The following C10orf71 variants were observed in gnomAD, a reference collection of about 807,000 sequenced individuals.
The protein encoded by C10orf71 is cardiac-enriched FHL2-interacting protein.
For missense variants in C10orf71, 1,869 were observed against 1,804.5 expected (o/e 1.04, Z -0.65); for synonymous variants, 758 against 726.3 (o/e 1.04, Z -0.70).
In C10orf71 at chr10:49,325,699, G is replaced by A; in HGVS notation, c.3154G>A (p.Glu1052Lys). The A allele has an allele frequency of 1.3e-6, 2 of 1,551,838 alleles. No homozygotes were observed. The highest frequency in any genetic ancestry group is 1.2e-5 in the South Asian group (1 of 84,058). Residue 1052 changes from glutamate (E) to lysine (K), a missense_variant, in exon 3 of 3, where the codon GAG becomes AAG. Physicochemically the swap from Glu to Lys is moderately conservative, Grantham distance 56. Coordinates refer to ENST00000374144, the MANE Select transcript of C10orf71 (RefSeq NM_001135196.2). ...CCCTGGCAGAAGACTGGTCCCCAGT[G>A]AGAGGGCGAATTCCCCCAACCCCGG... The part of the protein sequence containing the change: ...GPPGRRLVPS[E>K]RANSPNPGSP...
Position 49,323,323 on chromosome 10 carries a change from G to A in C10orf71, c.778G>A (p.Gly260Ser), listed in dbSNP as rs763367656. The A allele has an allele frequency of 1.2e-6, 2 of 1,613,758 alleles. No homozygotes were observed. Among genetic ancestry groups the A allele is most frequent in the Admixed American group, 1.7e-5 (1 of 59,980 alleles). Residue 260 changes from glycine (G) to serine (S), a missense_variant, in exon 3 of 3, where the codon GGT (glycine) becomes AGT (serine). Transcript: ENST00000374144. ...FPSPHHKPVT[G>S]EPGRGKGTFL... ...CTCTCCACACCACAAGCCAGTCACG[G>A]GTGAGCCTGGGAGAGGCAAAGGTAC...
chr10:49,323,119 T>C lies in C10orf71; in HGVS notation c.574T>C (p.Phe192Leu), dbSNP rs771938318. The change falls in exon 3 of 3, where the codon TTT becomes CTT. Residue 192 changes from phenylalanine to leucine, a missense_variant. Coordinates refer to ENST00000374144, the MANE Select transcript of C10orf71 (RefSeq NM_001135196.2). Reference protein sequence around the residue: ...NSVNFCFDSAFLTVRRVPAEV... With the variant: ...NSVNFCFDSALLTVRRVPAEV... The stretch of plus-strand genomic sequence containing the variant: ...TGTCAACTTCTGCTTCGATTCTGCC[T>C]TTCTGACAGTCAGGAGGGTGCCCGC... 1.2e-6 allele frequency: 2 copies of C among 1,614,016 alleles called. No individual in the cohort carries two copies. Among genetic ancestry groups the C allele is most frequent in the Admixed American group, 1.7e-5 (1 of 60,030 alleles).
chr10:49,323,474 C>T lies in C10orf71; in HGVS notation c.929C>T (p.Thr310Ile), dbSNP rs1346500665. The T allele has an allele frequency of 1.4e-5, 23 of 1,613,822 alleles. No individual in the cohort carries two copies. Among genetic ancestry groups the T allele is most frequent in the Non-Finnish European group, 1.8e-5 (21 of 1,179,828 alleles). ...GCTCCCAAGCACTATGGGGACACGA[C>T]CTTGCTAAGAGAACCCTGTCCTCCT... The part of the protein sequence containing the change: ...SKAPKHYGDT[T>I]LLREPCPPER... Residue 310 changes from threonine (T) to isoleucine (I), a missense_variant, in exon 3 of 3, where the codon ACC becomes ATC. Physicochemically the swap from Thr to Ile is moderately conservative, Grantham distance 89. Transcript: ENST00000374144.
Position 49,325,827 on chromosome 10 carries a change from T to C in C10orf71, c.3282T>C (p.Asn1094=). 6.4e-7 allele frequency: 1 copy of C among 1,551,354 alleles called. No individual in the cohort carries two copies. The highest frequency in any genetic ancestry group is 8.7e-7 in the Non-Finnish European group (1 of 1,146,854). ...CAGAGCTGCTTCCCGAGGAGCCTAA[T>C]CAAGCCAGCCCCTGGGCCAGCTCCA... ...GGPELLPEEP[N]QASPWASSSP... is the part of the protein sequence containing the mutation. The change falls in exon 3 of 3, where the codon AAT becomes AAC. Residue 1094 remains asparagine (N), a synonymous_variant. Transcript: ENST00000374144.
intron 1 of C10orf71, among the ~76,000 whole-genome samples, chr10:49,305,775 C>T (rs191812223): frequency 1.6e-4 from 24 of 152,340 alleles, no homozygotes; most frequent in Admixed American, 7.8e-4. Context: ...TTACCAGAAA[C>T]GGGGCACCCG....
At chr10:49,299,730 C>G (rs1848692881) in intron 1 of C10orf71, among the ~76,000 whole-genome samples, 1 of 152,230 alleles carries the variant, frequency 6.6e-6, no homozygotes, top group Admixed American at 6.5e-5. Context: ...TCCCACATGG[C>G]TGAGTGCACA....
At chr10:49,300,790 G>T (rs1353223806) in intron 1 of C10orf71, among the ~76,000 whole-genome samples, 1 of 152,284 alleles carries the variant, frequency 6.6e-6, no homozygotes, top group South Asian at 2.1e-4. Context: ...GAACAAGTTT[G>T]TCTGCTCTTG....
At chr10:49,303,008 A>G (rs1031937796) in intron 1 of C10orf71, among the ~76,000 whole-genome samples, 1 of 152,210 alleles carries the variant, frequency 6.6e-6, no homozygotes, top group Non-Finnish European at 1.5e-5. Flanking sequence ...AAATGTATGA[A>G]AAGTTCCCAG....
chr10:49,309,550 A>T (rs1848874966), intron 1 of C10orf71, among the ~76,000 whole-genome samples: 2 of 152,216 alleles, frequency 1.3e-5, no homozygotes, highest in Non-Finnish European at 2.9e-5. Flanking sequence ...TCAAGCTAAG[A>T]CATTCTCCTC....
At chr10:49,313,206 G>T (rs1564685914) in intron 1 of C10orf71, among the ~76,000 whole-genome samples, 1 of 152,330 alleles carries the variant, frequency 6.6e-6, no homozygotes, top group East Asian at 1.9e-4. Context: ...GCCTGAAGAA[G>T]CTGCATCATC....
Position 49,303,087 on chromosome 10 carries a change from C to T in C10orf71, c.-248+3854C>T, listed in dbSNP as rs187455646. 1.0e-3 allele frequency among the ~76,000 whole-genome samples: 158 copies of T among 152,302 alleles called. 1 individual carries two copies. The highest frequency in any genetic ancestry group is 0.01 in the Middle Eastern group (3 of 294). On this transcript the variant is annotated intron_variant, in intron 1 of 2. Transcript: ENST00000374144. Reference sequence around the variant, plus strand: ...CTATTTAGAGATTTTTTTCTTCCCACTTAAACTCCAGCTTGGGCCTATACC... The same window carrying T: ...CTATTTAGAGATTTTTTTCTTCCCATTTAAACTCCAGCTTGGGCCTATACC...
At chr10:49,299,949 A>C (rs1415022231) in intron 1 of C10orf71, among the ~76,000 whole-genome samples, 1 of 152,228 alleles carries the variant, frequency 6.6e-6, no homozygotes, top group African/African-American at 2.4e-5. Context: ...AAAGCCCGCC[A>C]CAGGCTGCCT....
intron 1 of C10orf71, among the ~76,000 whole-genome samples, chr10:49,312,664 TCCC>T (rs1848936066): frequency 6.6e-6 from 1 of 151,982 alleles, no homozygotes; most frequent in Non-Finnish European, 1.5e-5. Context: ...TCTTTTCATC[TCCC>T]CCTGACAGAA....
At chr10:49,305,135 A>G (rs1019451320) in intron 1 of C10orf71, among the ~76,000 whole-genome samples, 1 of 152,200 alleles carries the variant, frequency 6.6e-6, no homozygotes. Context: ...TGGGGAATAG[A>G]AGGACATCTT....
Position 49,325,127 on chromosome 10 carries a change from C to A in C10orf71, c.2582C>A (p.Thr861Asn), listed in dbSNP as rs1348068012. The A allele has an allele frequency of 1.3e-6, 2 of 1,552,066 alleles. No individual in the cohort carries two copies. The highest frequency in any genetic ancestry group is 2.4e-5 in the South Asian group (2 of 84,058). ...ATGCTGTTTACGATTAAAGACAACA[C>A]CCTCAGAGCTACCCCCGTAATTAAA... The part of the protein sequence containing the change: ...RHMLFTIKDN[T>N]LRATPVIKPI... The change falls in exon 3 of 3, where the codon ACC (threonine) becomes AAC (asparagine). Residue 861 changes from threonine (T) to asparagine (N), a missense_variant. Coordinates refer to ENST00000374144, the MANE Select transcript of C10orf71 (RefSeq NM_001135196.2).
At chr10:49,320,342 A>G (rs1590335966) in intron 2 of C10orf71, among the ~76,000 whole-genome samples, 2 of 152,126 alleles carry the variant, frequency 1.3e-5, no homozygotes, top group Admixed American at 1.3e-4. Context: ...TCCCCCTCCC[A>G]CCAGGCTCCT....
At chr10:49,301,803 C>T (rs991535492) in intron 1 of C10orf71, among the ~76,000 whole-genome samples, 3 of 152,210 alleles carry the variant, frequency 2.0e-5, no homozygotes, top group Admixed American at 6.5e-5. Context: ...AGCTTCCTCT[C>T]CAGACTTAGG....
intron 1 of C10orf71, among the ~76,000 whole-genome samples, chr10:49,312,496 C>T (rs186207304): frequency 4.1e-3 from 624 of 152,330 alleles, no homozygotes; most frequent in Non-Finnish European, 6.9e-3. Flanking sequence ...ACTTAATGAC[C>T]ATTCACACTG....
Position 49,323,890 on chromosome 10 carries a change from C to G in C10orf71, c.1345C>G (p.Pro449Ala). 4 of 1,613,584 alleles carry G rather than the reference C, an allele frequency of 2.5e-6. No individual in the cohort carries two copies. The highest frequency in any genetic ancestry group is 2.2e-5 in the East Asian group (1 of 44,862). ...PPFNISKLLT[P>A]IIPSKHALDS... The stretch of plus-strand genomic sequence containing the variant: ...CTTTAACATCAGTAAGCTCCTGACC[C>G]CCATCATACCCAGCAAGCACGCCCT... Residue 449 changes from proline to alanine, a missense_variant, in exon 3 of 3, where the codon CCC becomes GCC. Pro to Ala is a conservative substitution (Grantham distance 27). Transcript: ENST00000374144.
Sources: allele counts gnomAD v4.1 joint callset (sites outside exome capture counted in the v4.1 genomes callset), GRCh38; gene constraint gnomAD v4.1.1; transcripts MANE v1.5; gene names NCBI Gene and HGNC (gene_info 2026-07-23, HGNC 2026-07-21).